The following RAC1 variants were observed in gnomAD, a reference collection of about 807,000 sequenced individuals.
The protein encoded by RAC1 is Rac family small GTPase 1.
In RAC1, 2 loss-of-function variants were observed where a neutral mutation model predicts 25.2. The observed-to-expected ratio is 0.08, with a 90% CI of 0.03 to 0.25. RAC1 has a LOEUF of 0.25. RAC1 is among the 10% of genes least tolerant of loss of function. The pLI is 1.00. For missense variants in RAC1, 50 were observed against 235.7 expected, an observed-to-expected ratio of 0.21 and a Z score of 5.16; for synonymous variants, 88 against 94.0, an observed-to-expected ratio of 0.94 and a Z score of 0.37.
In RAC1 at chr7:6,400,181, G is replaced by A. The variant is rs1783356359; in HGVS notation, c.281G>A (p.Arg94His). 1 of 1,608,192 alleles carries A rather than the reference G, an allele frequency of 6.2e-7. No homozygotes were observed. The highest frequency in any genetic ancestry group is 8.5e-7 in the Non-Finnish European group (1 of 1,176,208). Reference protein sequence around the residue: ...LVSPASFENVRAKWYPEVRHH... With the variant: ...LVSPASFENVHAKWYPEVRHH... ...AGTCCTGCATCATTTGAAAATGTCC[G>A]TGCAAAGGTAGGTGGGGATTTAAAA... The change falls in exon 4 of 6, where the codon CGT becomes CAT. Residue 94 changes from arginine to histidine, a missense_variant. Physicochemically the swap from Arg to His is conservative, Grantham distance 29 (BLOSUM62 0). Transcript: ENST00000348035.
chr7:6,379,225 C>T (rs987959536), intron 1 of RAC1, among the ~76,000 whole-genome samples: 3 of 151,164 alleles, frequency 2.0e-5, no homozygotes, highest in Non-Finnish European at 4.4e-5. Flanking sequence ...CGTCAGCCTC[C>T]CAAGTAGCTG....
intron 1 of RAC1, among the ~76,000 whole-genome samples, chr7:6,386,948 A>G (rs925128049): frequency 1.3e-5 from 2 of 152,126 alleles, no homozygotes; most frequent in Non-Finnish European, 2.9e-5. Context: ...CTGTTTCTTG[A>G]CTATTAATGC....
intron 1 of RAC1, among the ~76,000 whole-genome samples, chr7:6,384,842 C>A (rs1583261071): frequency 6.6e-6 from 1 of 151,950 alleles, no homozygotes; most frequent in Non-Finnish European, 1.5e-5. Context: ...TCACTTTGTC[C>A]CTCAGACTGG....
chr7:6,394,302 A>C (rs1783165970), intron 3 of RAC1, among the ~76,000 whole-genome samples: 1 of 152,158 alleles, frequency 6.6e-6, no homozygotes, highest in Non-Finnish European at 1.5e-5. Context: ...TTCTTAGTTG[A>C]AATTGCCCTT....
chr7:6,384,206 C>T (rs1782859323), intron 1 of RAC1, among the ~76,000 whole-genome samples: 1 of 152,116 alleles, frequency 6.6e-6, no homozygotes. Flanking sequence ...CAAGTTCAAG[C>T]AGTCCAGGAA....
Position 6,386,396 on chromosome 7 carries a change from T to A in RAC1, c.36-816T>A, listed in dbSNP as rs575968917. On this transcript the variant is annotated intron_variant, in intron 1 of 5. Coordinates refer to ENST00000348035, the MANE Select transcript of RAC1 (RefSeq NM_006908.5). ...TTGCTGATTGCCATAGGGGAGGCTG[T>A]AGGGATGTGGTGGGATTTTGAGCTG... 7.2e-5 allele frequency among the ~76,000 whole-genome samples: 11 copies of A among 152,212 alleles called. No individual in the cohort carries two copies. The South Asian group carries it at 1.2e-3, about 17-fold the overall frequency.
chr7:6,401,792 G>GAGGTTAGGTGT, intron 4 of RAC1, 76 bp from the exon 5 acceptor site: 1 of 1,501,222 alleles, frequency 6.7e-7, no homozygotes, highest in Non-Finnish European at 9.0e-7. Flanking sequence ...CATGAGTGCC[G>GAGGTTAGGTGT]CCGGCTGGGT....
chr7:6,394,889 C>G (rs34910561), intron 3 of RAC1, among the ~76,000 whole-genome samples: 2,125 of 150,820 alleles, frequency 0.014, 33 homozygotes, highest in South Asian at 0.028. Context: ...GAGTCTTGCT[C>G]TGTCGCCCAG....
intron 4 of RAC1, among the ~76,000 whole-genome samples, 193 bp downstream of exon 4, chr7:6,400,381 T>A (rs1369306030): frequency 6.6e-6 from 1 of 151,878 alleles, no homozygotes; most frequent in Non-Finnish European, 1.5e-5. Flanking sequence ...CAGGCTGGAG[T>A]TGTAGTGGTG....
chr7:6,397,970 C>A (rs1215860447), intron 3 of RAC1, among the ~76,000 whole-genome samples: 4 of 152,204 alleles, frequency 2.6e-5, no homozygotes, highest in Non-Finnish European at 5.9e-5. Context: ...GCCTGGGCAA[C>A]AGAGCAAGAC....
At chr7:6,377,150 C>G (rs770492697) in intron 1 of RAC1, among the ~76,000 whole-genome samples, 2 of 151,038 alleles carry the variant, frequency 1.3e-5, no homozygotes, top group Non-Finnish European at 2.9e-5. Context: ...TACTGAGACT[C>G]TGTGAGGGAG....
intron 4 of RAC1, among the ~76,000 whole-genome samples, chr7:6,401,054 C>G (rs986765220): frequency 3.3e-5 from 5 of 152,160 alleles, no homozygotes; most frequent in African/African-American, 1.2e-4. Context: ...CCTCCCGGTT[C>G]AAGCAATTCT....
chr7:6,397,592 G>C (rs1341697208), intron 3 of RAC1, among the ~76,000 whole-genome samples: 1 of 152,196 alleles, frequency 6.6e-6, no homozygotes, highest in East Asian at 1.9e-4. Flanking sequence ...TTTCTTAAAA[G>C]AGTTCCAGGG....
At chr7:6,375,432 T>C (rs1782556124) in intron 1 of RAC1, among the ~76,000 whole-genome samples, 1 of 152,008 alleles carries the variant, frequency 6.6e-6, no homozygotes, top group Non-Finnish European at 1.5e-5. Context: ...CACTGTGTTG[T>C]CCAGGCTGGT....
intron 3 of RAC1, chr7:6,398,606 A>AT: frequency 6.8e-7 from 1 of 1,475,162 alleles, no homozygotes; most frequent in Non-Finnish European, 9.4e-7. Flanking sequence ...GGTTATATTG[A>AT]TTTTTGTTGT....
intron 3 of RAC1, among the ~76,000 whole-genome samples, chr7:6,399,161 G>A (rs1783332353): frequency 2.0e-5 from 3 of 152,202 alleles, no homozygotes; most frequent in Admixed American, 2.0e-4. Flanking sequence ...TTGAGATGGT[G>A]TGCTGGGTGC....
chr7:6,389,900 AT>A (rs953886430), intron 2 of RAC1, among the ~76,000 whole-genome samples: 1 of 151,354 alleles, frequency 6.6e-6, no homozygotes, highest in Non-Finnish European at 1.5e-5. Flanking sequence ...TTCTACTGAA[AT>A]TTTTTCTTAC....
intron 1 of RAC1, among the ~76,000 whole-genome samples, chr7:6,381,497 A>G (rs147926232): frequency 9.9e-5 from 15 of 151,484 alleles, no homozygotes; most frequent in Middle Eastern, 3.4e-3. Context: ...GGTTCAAGCA[A>G]TTCTCCTGCC....
At chr7:6,387,128 T>C in intron 1 of RAC1, 84 bp from the exon 2 acceptor site, 2 of 911,310 alleles carry the variant, frequency 2.2e-6, no homozygotes, top group South Asian at 1.5e-5. Context: ...TGATTTTTTT[T>C]CTCTAGAAAT....
Sources: gnomAD v4.1 joint callset for allele counts (sites outside exome capture counted in the v4.1 genomes callset) on GRCh38, gnomAD v4.1.1 for gene constraint, MANE v1.5 for transcripts, NCBI Gene and HGNC (gene_info 2026-07-23, HGNC 2026-07-21) for gene names.